Variants in CYBB observed in about 807,000 individuals in gnomAD.
The protein encoded by CYBB is NADPH oxidase 2.
A neutral mutation model predicts 46.5 loss-of-function variants in CYBB; 5 were observed. The ratio of observed to expected loss-of-function variants is 0.11; its 90% confidence interval spans 0.06 to 0.23. The LOEUF (loss-of-function observed/expected upper bound fraction) is 0.23, where lower values mean the gene tolerates loss of function less well. CYBB is among the 10% of genes least tolerant of loss of function. The pLI, the probability that CYBB is intolerant of heterozygous loss-of-function variation, is 1.00. For missense variants in CYBB, 307 were observed against 428.3 expected, an observed-to-expected ratio of 0.72 and a Z score of 2.50; for synonymous variants, 183 against 156.7, an observed-to-expected ratio of 1.17 and a Z score of -1.26.
At chrX:37,795,509 T>A (rs192537800) in intron 5 of CYBB, among the ~76,000 whole-genome samples, 39 of 111,867 alleles carry the variant, frequency 3.5e-4, no homozygotes, top group Non-Finnish European at 1.5e-4. Context: ...TGAAGTCTCA[T>A]CTCAGGATCT....
chrX:37,805,098 C>G lies in CYBB; in HGVS notation c.1244C>G (p.Pro415Arg), dbSNP rs137854585. 8.3e-7 allele frequency: 1 copy of G among 1,209,170 alleles called. No individual in the cohort carries two copies. The highest frequency in any genetic ancestry group is 1.1e-6 in the Non-Finnish European group (1 of 894,467). ...MLVGAGIGVT[P>R]FASILKSVWY... Reference sequence around the variant, plus strand: ...GTGGGAGCAGGGATTGGGGTCACACCCTTCGCATCCATTCTCAAGTCAGTC... The same window carrying G: ...GTGGGAGCAGGGATTGGGGTCACACGCTTCGCATCCATTCTCAAGTCAGTC... The change falls in exon 10 of 13, where the codon CCC (proline) becomes CGC (arginine). Residue 415 changes from proline (P) to arginine (R), a missense_variant. Transcript: ENST00000378588.
chrX:37,810,908 A>G lies in CYBB; in HGVS notation c.1704A>G (p.Glu568=), dbSNP rs200528487. The part of the protein sequence containing the change: ...PRGVHFIFNK[E]NF ...GAGTGCATTTCATTTTCAACAAGGA[A>G]AACTTCTAACTTGTCTCTTCCATGA... is the stretch of plus-strand genomic sequence containing the variant. The change falls in exon 13 of 13, where the codon GAA becomes GAG. Residue 568 remains glutamate (E), a synonymous_variant. Transcript: ENST00000378588. 1.7e-6 allele frequency: 2 copies of G among 1,208,374 alleles called. No homozygotes were observed. The highest frequency in any genetic ancestry group is 2.2e-6 in the Non-Finnish European group (2 of 892,740).
At chrX:37,791,253 C>T (rs1556466874) in intron 3 of CYBB, among the ~76,000 whole-genome samples, 2 of 110,546 alleles carry the variant, frequency 1.8e-5, no homozygotes, top group Admixed American at 1.9e-4. Flanking sequence ...ATAATGGTAC[C>T]TCCCTTGTAC....
At position 37,780,059 on chromosome X, in the gene CYBB, A is replaced by G. The variant is rs1928914965; in HGVS notation, c.-19A>G. The G allele has an allele frequency of 1.7e-6, 2 of 1,208,325 alleles. No individual in the cohort carries two copies. The highest frequency in any genetic ancestry group is 3.5e-5 in the South Asian group (2 of 56,880). On this transcript the variant is annotated 5_prime_UTR_variant, in exon 1 of 13. Transcript: ENST00000378588. ...AGTATAGAAGAAAGGCAAACACAAC[A>G]CATTCAACCTCTGCCACCATGGGGA...
intron 6 of CYBB, among the ~76,000 whole-genome samples, chrX:37,798,477 A>G (rs1387492146): frequency 1.8e-5 from 2 of 112,146 alleles, no homozygotes; most frequent in East Asian, 2.8e-4. Context: ...TGACTGTCTC[A>G]GTTGTCTACT....
intron 7 of CYBB, among the ~76,000 whole-genome samples, chrX:37,799,976 C>T (rs187759778): frequency 1.8e-5 from 2 of 111,107 alleles, no homozygotes; most frequent in African/African-American, 6.5e-5. Context: ...CATAGGAGCA[C>T]TCTTACTCTA....
At chrX:37,793,895 G>T in intron 5 of CYBB, 85 bp downstream of exon 5, 1 of 910,738 alleles carries the variant, frequency 1.1e-6, no homozygotes. Context: ...CCTCTCCTTT[G>T]CCAAAAAAAA....
chrX:37,781,785 C>T (rs1238491057), intron 1 of CYBB, among the ~76,000 whole-genome samples: 1 of 111,033 alleles, frequency 9.0e-6, no homozygotes, highest in East Asian at 2.8e-4. Context: ...GCTACCTATC[C>T]AAGGTTAAGC....
intron 3 of CYBB, among the ~76,000 whole-genome samples, chrX:37,787,258 T>C (rs782155024): frequency 9.6e-4 from 108 of 112,274 alleles, no homozygotes; most frequent in African/African-American, 3.3e-3. Flanking sequence ...GCCTGAGTTC[T>C]GTAGATTCAA....
chrX:37,806,612 C>T, intron 11 of CYBB, 79 bp downstream of exon 11: 1 of 955,143 alleles, frequency 1.0e-6, no homozygotes, highest in Non-Finnish European at 1.5e-6. Context: ...ATTGGTGTGT[C>T]TTGTGTACTA....
intron 8 of CYBB, among the ~76,000 whole-genome samples, chrX:37,803,248 G>T (rs1464427940): frequency 9.0e-6 from 1 of 110,877 alleles, no homozygotes; most frequent in Non-Finnish European, 1.9e-5. Context: ...TTAGGTTGGT[G>T]CAAAAGTTAT....
At chrX:37,782,565 C>T (rs1193061030) in intron 2 of CYBB, among the ~76,000 whole-genome samples, 1 of 112,442 alleles carries the variant, frequency 8.9e-6, no homozygotes, top group African/African-American at 3.2e-5. Context: ...TACTTTTTTG[C>T]ATGAAGAGCT....
In CYBB at chrX:37,781,694, C is replaced by T. The variant is rs1041651262; in HGVS notation, c.46-394C>T. ...GTGATTAGCACCTGTGAGAACAGAACGCAGTGTCATACTGGTGGAGGGAAA... is the reference window on the plus strand; with the variant it reads ...GTGATTAGCACCTGTGAGAACAGAATGCAGTGTCATACTGGTGGAGGGAAA... On this transcript the variant is annotated intron_variant, in intron 1 of 12. Transcript: ENST00000378588. Among the ~76,000 whole-genome samples, 9 of 109,932 alleles carry T rather than the reference C, an allele frequency of 8.2e-5. 1 individual carries two copies. The highest frequency in any genetic ancestry group is 6.7e-4 in the Admixed American group (7 of 10,432).
chrX:37,804,271 G>A (rs1287182087), intron 9 of CYBB, 141 bp downstream of exon 9: 8 of 571,210 alleles, frequency 1.4e-5, no homozygotes, highest in African/African-American at 9.2e-5. Context: ...TGTGGTCACC[G>A]TTTCATATGT....
intron 9 of CYBB, among the ~76,000 whole-genome samples, 200 bp downstream of exon 9, chrX:37,804,330 C>A (rs1019795663): frequency 1.8e-5 from 2 of 111,344 alleles, no homozygotes; most frequent in South Asian, 3.7e-4. Context: ...AATATGAAAA[C>A]CTTGAATCAA....
At chrX:37,809,173 A>G (rs1422689852) in intron 11 of CYBB, among the ~76,000 whole-genome samples, 1 of 112,243 alleles carries the variant, frequency 8.9e-6, no homozygotes, top group Admixed American at 9.5e-5. Context: ...GAGTGGAAGT[A>G]TATTAGGGTG....
chrX:37,795,920 G>C lies in CYBB; in HGVS notation c.484-31G>C, dbSNP rs184642117. 589 of 927,566 alleles carry C rather than the reference G, an allele frequency of 6.3e-4. 3 individuals carry two copies. In the African/African-American group the frequency reaches 9.7e-3, roughly 15 times the overall value. The allele number at this position is 927,566 out of a possible 1,213,427, so 76.4% of individuals were successfully genotyped here. A position where few individuals can be genotyped will look rare whatever the true frequency, so the allele number is the denominator to read the frequency against. ...TGTGTGTGTGTGTGTGTGTGTGTGTGTGTGTGTGTGTGTGTGTTTATATTT... is the reference window on the plus strand; with the variant it reads ...TGTGTGTGTGTGTGTGTGTGTGTGTCTGTGTGTGTGTGTGTGTTTATATTT... On this transcript the variant is annotated intron_variant, in intron 5 of 12. Transcript: ENST00000378588.
At chrX:37,800,161 A>C (rs1479306629) in intron 7 of CYBB, among the ~76,000 whole-genome samples, 2 of 111,547 alleles carry the variant, frequency 1.8e-5, no homozygotes, top group East Asian at 2.8e-4. Flanking sequence ...TTCCTCGATG[A>C]CAGCTGGAGT....
chrX:37,796,067 T>C lies in CYBB; in HGVS notation c.600T>C (p.Ser200=), dbSNP rs959686988. 1.7e-6 allele frequency: 2 copies of C among 1,210,007 alleles called. No individual in the cohort carries two copies. Among genetic ancestry groups the C allele is most frequent in the Non-Finnish European group, 1.1e-6 (1 of 893,771 alleles). Reference sequence around the variant, plus strand: ...CCTCCACCAAAACCATCCGGAGGTCTTACTTTGAAGTCTTTTGGTACACAC... The same window carrying C: ...CCTCCACCAAAACCATCCGGAGGTCCTACTTTGAAGTCTTTTGGTACACAC... ...ITSSTKTIRR[S]YFEVFWYTHH... The change falls in exon 6 of 13, where the codon TCT becomes TCC. Residue 200 remains serine, a synonymous_variant. Transcript: ENST00000378588.
Sources: allele counts gnomAD v4.1 joint callset (sites outside exome capture counted in the v4.1 genomes callset), GRCh38; gene constraint gnomAD v4.1.1; transcripts MANE v1.5; gene names NCBI Gene and HGNC (gene_info 2026-07-23, HGNC 2026-07-21).